CREB3L2: variants seen among roughly 807,000 people sequenced by gnomAD.
The protein encoded by CREB3L2 is cAMP responsive element binding protein 3 like 2.
CREB3L2 carries 23 observed loss-of-function variants against 57.2 expected under a neutral mutation model. The observed-to-expected ratio is 0.40, with a 90% confidence interval of 0.29 to 0.57. The LOEUF is 0.57. CREB3L2 is among the 20% of genes least tolerant of loss of function. CREB3L2 has a pLI of 0.42. For missense variants in CREB3L2, 628 were observed against 634.7 expected (o/e 0.99, Z 0.11); for synonymous variants, 268 against 265.1 (o/e 1.01, Z -0.11).
At chr7:137,967,018 CT>C (rs1413734211) in intron 1 of CREB3L2, among the ~76,000 whole-genome samples, 1 of 152,160 alleles carries the variant, frequency 6.6e-6, no homozygotes, top group Non-Finnish European at 1.5e-5. Flanking sequence ...GATTAGTGCC[CT>C]TATAAGAACA....
chr7:137,981,728 C>T (rs1406158715), intron 1 of CREB3L2, among the ~76,000 whole-genome samples: 3 of 152,124 alleles, frequency 2.0e-5, no homozygotes, highest in Admixed American at 6.5e-5. Context: ...GCTTTGAGTC[C>T]GAATCTTGAG....
In CREB3L2 at chr7:137,928,238, G is replaced by A. The variant is rs1585634392; in HGVS notation, c.231C>T (p.Ile77=). The part of the protein sequence containing the change: ...EPSPTSPAPL[I]QAEHSYSLCE... ...ACAGGGAGTAGCTGTGCTCAGCCTG[G>A]ATGAGAGGCGCCGGGGACGTCGGGG... The change falls in exon 2 of 12, where the codon ATC becomes ATT. Residue 77 remains isoleucine (I), a synonymous_variant. Coordinates refer to ENST00000330387, the MANE Select transcript of CREB3L2 (RefSeq NM_194071.4). 2 of 1,612,642 alleles carry A rather than the reference G, an allele frequency of 1.2e-6. No individual in the cohort carries two copies. The highest frequency in any genetic ancestry group is 4.5e-5 in the East Asian group (2 of 44,862).
intron 8 of CREB3L2, among the ~76,000 whole-genome samples, chr7:137,899,107 A>AGGAAGGAAGGAAGGAAGGAAGGAG (rs1563243986): frequency 1.4e-4 from 7 of 49,418 alleles, no homozygotes; most frequent in African/African-American, 4.1e-4. Context: ...GAAGGAAGGA[A>AGGAAGGAAGGAAGGAAGGAAGGAG]GGAAGGAAGG....
intron 1 of CREB3L2, among the ~76,000 whole-genome samples, chr7:137,960,654 G>A (rs1801302531): frequency 6.6e-6 from 1 of 151,876 alleles, no homozygotes; most frequent in African/African-American, 2.4e-5. Context: ...ACATCCACAG[G>A]GGAACCATCT....
At chr7:137,931,516 C>G (rs1270262247) in intron 1 of CREB3L2, among the ~76,000 whole-genome samples, 1 of 131,874 alleles carries the variant, frequency 7.6e-6, no homozygotes, top group Non-Finnish European at 1.6e-5. Context: ...AGCGAGACTC[C>G]GTCTCAAAAA....
At chr7:137,994,172 C>T (rs1274688619) in intron 1 of CREB3L2, among the ~76,000 whole-genome samples, 2 of 152,190 alleles carry the variant, frequency 1.3e-5, no homozygotes, top group African/African-American at 4.8e-5. Context: ...TGCCCTGCAA[C>T]CATAGGCCTC....
chr7:137,987,055 A>G (rs1268775697), intron 1 of CREB3L2, among the ~76,000 whole-genome samples: 1 of 152,212 alleles, frequency 6.6e-6, no homozygotes, highest in Non-Finnish European at 1.5e-5. Context: ...AGCGGCTCCA[A>G]CATGGGTCTT....
At chr7:137,984,123 T>C (rs1801756003) in intron 1 of CREB3L2, among the ~76,000 whole-genome samples, 1 of 152,210 alleles carries the variant, frequency 6.6e-6, no homozygotes, top group Admixed American at 6.5e-5. Context: ...TTCTCAGCCA[T>C]CTCACAGGTC....
At chr7:137,905,408 A>C (rs1402194941) in intron 6 of CREB3L2, among the ~76,000 whole-genome samples, 1 of 146,886 alleles carries the variant, frequency 6.8e-6, no homozygotes, top group Non-Finnish European at 1.5e-5. Context: ...AAAAAAAAAA[A>C]AACTAGATGG....
At chr7:137,954,481 G>C (rs11977390) in intron 1 of CREB3L2, among the ~76,000 whole-genome samples, 4 of 152,158 alleles carry the variant, frequency 2.6e-5, no homozygotes, top group Admixed American at 2.0e-4. Context: ...TCTATTTTCA[G>C]AAAACTTTTA....
intron 9 of CREB3L2, 115 bp from the exon 10 acceptor site, chr7:137,885,236 C>A: frequency 7.8e-7 from 1 of 1,285,224 alleles, no homozygotes; most frequent in Middle Eastern, 2.7e-4. Context: ...GTGGACTGCA[C>A]CCACCAGTCA....
intron 2 of CREB3L2, among the ~76,000 whole-genome samples, chr7:137,923,132 CTTT>C (rs1315259703): frequency 6.6e-6 from 1 of 152,108 alleles, no homozygotes; most frequent in Non-Finnish European, 1.5e-5. Flanking sequence ...TTACTACATC[CTTT>C]TTTCTTCAAT....
intron 1 of CREB3L2, among the ~76,000 whole-genome samples, chr7:137,929,444 G>A (rs1800559282): frequency 6.6e-6 from 1 of 152,204 alleles, no homozygotes; most frequent in East Asian, 1.9e-4. Context: ...CCCACTAGAT[G>A]CCGGTAGCAC....
At chr7:137,969,157 G>A (rs531546876) in intron 1 of CREB3L2, among the ~76,000 whole-genome samples, 2 of 152,226 alleles carry the variant, frequency 1.3e-5, no homozygotes, top group African/African-American at 2.4e-5. Context: ...AGTCTGAGAA[G>A]AGAATGTGCA....
At chr7:137,882,036 A>G (rs3778823) in intron 11 of CREB3L2, among the ~76,000 whole-genome samples, 18,741 of 152,272 alleles carry the variant, frequency 0.12, 3,149 homozygotes, top group African/African-American at 0.38. Flanking sequence ...TGAAGCCATG[A>G]AACATGTCTT....
chr7:137,931,318 C>T (rs778776804), intron 1 of CREB3L2, among the ~76,000 whole-genome samples: 7 of 151,402 alleles, frequency 4.6e-5, no homozygotes, highest in Non-Finnish European at 1.0e-4. Context: ...GTCAGGAGAT[C>T]GAGACCATCC....
At chr7:137,909,373 C>T (rs1193646684) in intron 4 of CREB3L2, among the ~76,000 whole-genome samples, 1 of 152,184 alleles carries the variant, frequency 6.6e-6, no homozygotes, top group Non-Finnish European at 1.5e-5. Context: ...TCCAGGGCAG[C>T]AGAGATGGGC....
At position 137,954,707 on chromosome 7, in the gene CREB3L2, G is replaced by C. The variant is rs1585655439; in HGVS notation, c.103-26341C>G. 2.0e-5 allele frequency among the ~76,000 whole-genome samples: 3 copies of C among 152,262 alleles called. No homozygotes were observed. In the East Asian group the frequency reaches 5.8e-4, roughly 29 times the overall value. ...AAGAGTTTGGAATGCTCATGGTATT[G>C]TCTGGCCATGAGAGAGGAGGTAAGA... is the stretch of plus-strand genomic sequence containing the variant. On this transcript the variant is annotated intron_variant, in intron 1 of 11. Transcript: ENST00000330387.
intron 2 of CREB3L2, chr7:137,922,859 A>G (rs1259684057): frequency 5.4e-6 from 1 of 185,106 alleles, no homozygotes; most frequent in Non-Finnish European, 1.2e-5. Context: ...GAATTTTCAA[A>G]GGAGTTGGCA....
Sources: gnomAD v4.1 joint callset for allele counts (sites outside exome capture counted in the v4.1 genomes callset) on GRCh38, gnomAD v4.1.1 for gene constraint, MANE v1.5 for transcripts, NCBI Gene and HGNC (gene_info 2026-07-23, HGNC 2026-07-21) for gene names.